The following HMSD variants were observed in gnomAD, a reference collection of about 807,000 sequenced individuals.
HMSD encodes the protein histocompatibility minor serpin domain containing.
In HMSD, 13 loss-of-function variants were observed where a neutral mutation model predicts 10.0. The observed-to-expected ratio is 1.31, with a 90% confidence interval of 0.85 to 2.08. The LOEUF is 2.08. Among genes scored for constraint, HMSD ranks in the 30% most tolerant of loss-of-function variants. The pLI is 0.00. For missense variants in HMSD, 169 were observed against 166.3 expected, an observed-to-expected ratio of 1.02 and a Z score of -0.09; for synonymous variants, 51 against 54.2, an observed-to-expected ratio of 0.94 and a Z score of 0.26.
chr18:63,959,865 A>G (rs933278162), intron 3 of HMSD, among the ~76,000 whole-genome samples: 4 of 151,882 alleles, frequency 2.6e-5, no homozygotes, highest in African/African-American at 9.7e-5. Context: ...CTTCTTGGAG[A>G]TTTCTCAGTG....
At chr18:63,965,712 G>A (rs2050406630), downstream of HMSD, among the ~76,000 whole-genome samples, 1 of 152,148 alleles carries the variant, frequency 6.6e-6, no homozygotes, top group Non-Finnish European at 1.5e-5. Flanking sequence ...TATAAGCATT[G>A]TCTTAGTCTG....
At chr18:63,955,508 A>G (rs1462257200) in intron 3 of HMSD, among the ~76,000 whole-genome samples, 2 of 152,180 alleles carry the variant, frequency 1.3e-5, no homozygotes, top group Non-Finnish European at 2.9e-5. Context: ...TGAGGTTTTC[A>G]TAAATATTGC....
At position 63,961,251 on chromosome 18, in the gene HMSD, A is replaced by G. The variant is rs1188733652; in HGVS notation, c.*896A>G. 1.3e-5 allele frequency: 2 copies of G among 152,064 alleles called. No individual in the cohort carries two copies. The highest frequency in any genetic ancestry group is 2.4e-5 in the African/African-American group (1 of 41,396). The allele number at this position is 152,064 out of a possible 1,614,324, so 9.4% of individuals were successfully genotyped here. On this transcript the variant is annotated 3_prime_UTR_variant, in exon 4 of 4. Coordinates refer to ENST00000408945, the MANE Select transcript of HMSD (RefSeq NM_001123366.2). The stretch of plus-strand genomic sequence containing the variant: ...GGATAATCAAATCATTTCAATATGA[A>G]TTATGAAAATGAATGATAATGGTTT...
intron 3 of HMSD, among the ~76,000 whole-genome samples, chr18:63,969,140 T>C (rs2050428486): frequency 6.6e-6 from 1 of 152,114 alleles, no homozygotes; most frequent in South Asian, 2.1e-4. Context: ...CCCATGTATA[T>C]GAACAGAGGA....
chr18:63,969,392 G>A (rs1349264006), intron 3 of HMSD: 1 of 152,194 alleles, frequency 6.6e-6, no homozygotes, highest in Non-Finnish European at 1.5e-5. Context: ...TTGTTTAGGA[G>A]AGACATGAGA....
intron 3 of HMSD, among the ~76,000 whole-genome samples, chr18:63,959,612 T>C (rs1477621192): frequency 1.3e-5 from 2 of 152,234 alleles, no homozygotes; most frequent in Non-Finnish European, 2.9e-5. Flanking sequence ...TAGATTCTAC[T>C]CTTGTTGGAT....
Position 63,956,890 on chromosome 18 carries a change from CA to C in HMSD, c.222+2334del, listed in dbSNP as rs532110241. ...TATACACCACGAAATACGATGCAGC[CA>C]TAAAACAGAATGAGATCATGTCCTT... On this transcript the variant is annotated intron_variant, in intron 3 of 3. Coordinates refer to ENST00000408945, the MANE Select transcript of HMSD (RefSeq NM_001123366.2). 4.5e-3 allele frequency among the ~76,000 whole-genome samples: 685 copies of C among 152,198 alleles called. 3 individuals are homozygous for C. The highest frequency in any genetic ancestry group is 0.012 in the Admixed American group (186 of 15,280).
chr18:63,951,031 A>G (rs2050327812), intron 1 of HMSD, among the ~76,000 whole-genome samples: 1 of 152,250 alleles, frequency 6.6e-6, no homozygotes, highest in South Asian at 2.1e-4. Context: ...GGTGCTAGAA[A>G]TAAGTTTTAT....
Position 63,967,332 on chromosome 18 carries a change from C to T in HMSD, n.312+7057C>T, listed in dbSNP as rs142702987. ...TATTTTTAGCAGAGACGGGGTTTCA[C>T]CACGTTGGCCAGGCTGGTCTGGAAC... On this transcript the variant is annotated intron_variant and non_coding_transcript_variant, in intron 3 of 5. Coordinates refer to the HMSD transcript ENST00000481726. 9.1e-4 allele frequency among the ~76,000 whole-genome samples: 139 copies of T among 152,282 alleles called. 1 individual carries two copies. Among genetic ancestry groups the T allele is most frequent in the African/African-American group, 3.2e-3 (133 of 41,538 alleles).
downstream of HMSD, chr18:63,966,277 C>A (rs1386528379): frequency 6.6e-6 from 1 of 152,150 alleles, no homozygotes. Flanking sequence ...TGTTAGTAAG[C>A]AGTACAAATT....
rs1002839127 is a variant in HMSD at position 63,952,288 on chromosome 18, TA to T, written c.-102-1056del. Among the ~76,000 whole-genome samples, 936 of 146,736 alleles carry T rather than the reference TA, an allele frequency of 6.4e-3. 16 individuals are homozygous for T. Among genetic ancestry groups the T allele is most frequent in the African/African-American group, 0.022 (852 of 39,142 alleles). The stretch of plus-strand genomic sequence containing the variant: ...TACCCTAAAACTTAAAGTATAATAA[TA>T]AAAAAAAAAGATCTCGCCTAGTGTT... On this transcript the variant is annotated intron_variant, in intron 1 of 3. Transcript: ENST00000408945.
intron 1 of HMSD, among the ~76,000 whole-genome samples, chr18:63,951,325 C>T (rs2050329269): frequency 1.3e-5 from 2 of 152,090 alleles, no homozygotes; most frequent in South Asian, 4.1e-4. Context: ...ACCAAATTAA[C>T]AAGAAATTAA....
At chr18:63,960,135 A>G in intron 3 of HMSD, 23 bp from the exon 4 acceptor site, 1 of 1,604,276 alleles carries the variant, frequency 6.2e-7, no homozygotes. Flanking sequence ...TAGCTGTGAA[A>G]TTATGTTTTT....
intron 3 of HMSD, among the ~76,000 whole-genome samples, chr18:63,956,583 A>G (rs2050359814): frequency 6.6e-6 from 1 of 152,238 alleles, no homozygotes; most frequent in Admixed American, 6.5e-5. Context: ...CAAAAAACAG[A>G]TGCTGGTGAA....
chr18:63,959,517 A>G (rs978840000), intron 3 of HMSD, among the ~76,000 whole-genome samples: 5 of 152,130 alleles, frequency 3.3e-5, no homozygotes, highest in Admixed American at 2.6e-4. Context: ...CATGATTTCT[A>G]TTATTTTAAA....
At chr18:63,954,677 C>T in intron 3 of HMSD, 120 bp downstream of exon 3, 2 of 759,750 alleles carry the variant, frequency 2.6e-6, no homozygotes, top group Non-Finnish European at 2.2e-6. Flanking sequence ...GCACGAATCT[C>T]ACACGCATCT....
At position 63,960,257 on chromosome 18, in the gene HMSD, G is replaced by A; in HGVS notation, c.322G>A (p.Val108Ile). 1 of 1,613,314 alleles carries A rather than the reference G, an allele frequency of 6.2e-7. No individual in the cohort carries two copies. Residue 108 changes from valine to isoleucine, a missense_variant, in exon 4 of 4, where the codon GTT (valine) becomes ATT (isoleucine). Coordinates refer to ENST00000408945, the MANE Select transcript of HMSD (RefSeq NM_001123366.2). ...GTCCACAACACGTGTAAACTCCTGG[G>A]TTGCTGATAAAACTAAAGGTGAAAA... is the stretch of plus-strand genomic sequence containing the variant. ...EKSTTRVNSW[V>I]ADKTKGENIL...
intron 3 of HMSD, among the ~76,000 whole-genome samples, chr18:63,956,700 G>T (rs998639997): frequency 2.0e-5 from 3 of 152,114 alleles, no homozygotes; most frequent in Non-Finnish European, 2.9e-5. Context: ...AAAGAGAATT[G>T]CCATTTGACC....
chr18:63,966,991 T>C (rs980391134), intron 3 of HMSD: 2 of 152,264 alleles, frequency 1.3e-5, no homozygotes, highest in African/African-American at 4.8e-5. Flanking sequence ...TTGCTTTTTG[T>C]GTTTTTTTAC....
Sources: gnomAD v4.1 joint callset for allele counts (sites outside exome capture counted in the v4.1 genomes callset) on GRCh38, gnomAD v4.1.1 for gene constraint, MANE v1.5 for transcripts, NCBI Gene and HGNC (gene_info 2026-07-23, HGNC 2026-07-21) for gene names.